ATAD2B: variants seen among roughly 807,000 people sequenced by gnomAD.
ATAD2B encodes ATPase family AAA domain containing 2B.
ATAD2B carries 40 observed loss-of-function variants against 167.6 expected under a neutral mutation model. The observed-to-expected ratio is 0.24, with a 90% CI of 0.19 to 0.31. The LOEUF is 0.31. ATAD2B is among the 10% of genes least tolerant of loss of function. The probability of loss-of-function intolerance (pLI) is 1.00; values close to 1 mark genes in which losing one functional copy is unlikely to be tolerated. For missense variants in ATAD2B, 1,242 were observed against 1,757.2 expected (o/e 0.71, Z 5.24); for synonymous variants, 579 against 596.5 (o/e 0.97, Z 0.43).
intron 15 of ATAD2B, among the ~76,000 whole-genome samples, chr2:23,824,120 T>C (rs1383082836): frequency 6.6e-6 from 1 of 152,068 alleles, no homozygotes; most frequent in Non-Finnish European, 1.5e-5. Flanking sequence ...GTATAATTTT[T>C]TTCTTTTCTT....
At chr2:23,799,563 TC>T (rs1683140159) in intron 18 of ATAD2B, among the ~76,000 whole-genome samples, 1 of 100,860 alleles carries the variant, frequency 9.9e-6, no homozygotes, top group African/African-American at 3.8e-5. Context: ...ACAGTGAGAC[TC>T]CATCTCAAAA....
At position 23,867,906 on chromosome 2, in the gene ATAD2B, CGCTA is replaced by C; in HGVS notation, c.1113_1116del (p.Ser372ValfsTer7). On this transcript the variant is annotated frameshift_variant, in exon 10 of 28. Coordinates refer to ENST00000238789, the MANE Select transcript of ATAD2B (RefSeq NM_017552.4). LOFTEE classifies it high-confidence loss of function. Reference sequence around the variant, plus strand: ...ACTTTCACTCGTTCTCGGAGAATACCGCTAGCTAAGTCCTCTGCTCTGAAGTTCA... The same window carrying C: ...ACTTTCACTCGTTCTCGGAGAATACCGCTAAGTCCTCTGCTCTGAAGTTCA... 6.2e-7 allele frequency: 1 copy of C among 1,613,738 alleles called. No homozygotes were observed.
chr2:23,920,773 CTTCCATGTA>C (rs1272083269), intron 1 of ATAD2B, among the ~76,000 whole-genome samples: 1 of 152,158 alleles, frequency 6.6e-6, no homozygotes, highest in Non-Finnish European at 1.5e-5. Context: ...CAACTTTGTA[CTTCCATGTA>C]ACTTTTTATC....
chr2:23,691,452 A>C, the ATAD2B span: 1 of 592,506 alleles, frequency 1.7e-6, no homozygotes, highest in South Asian at 2.0e-5. Flanking sequence ...GGACATGCCG[A>C]GTAGTGATAA....
rs1223265206 is a variant in ATAD2B, at chr2:23,904,537, C to T, written c.217-8567G>A. Among the ~76,000 whole-genome samples, 9 of 137,668 alleles carry T rather than the reference C, an allele frequency of 6.5e-5. No individual in the cohort carries two copies. The South Asian group carries it at 6.8e-4, about 10-fold the overall frequency. The allele number at this position is 137,668 out of a possible 152,430, so 90.3% of individuals were successfully genotyped here. The stretch of plus-strand genomic sequence containing the variant: ...GACTTGGAGGAAAGGATTTTCCTTC[C>T]TTTTTTTTTTTTTTTTTCTTTAAGA... On this transcript the variant is annotated intron_variant, in intron 1 of 27. Transcript: ENST00000238789.
downstream of ATAD2B, among the ~76,000 whole-genome samples, chr2:23,746,593 G>C (rs1674895025): frequency 6.6e-6 from 1 of 152,064 alleles, no homozygotes; most frequent in Admixed American, 6.6e-5. Flanking sequence ...CCAAACAAAA[G>C]GATTAGTGCC....
intron 8 of ATAD2B, 116 bp from the exon 9 acceptor site, chr2:23,869,877 A>AT (rs991667437): frequency 5.7e-5 from 39 of 685,168 alleles, no homozygotes; most frequent in Non-Finnish European, 8.7e-5. Flanking sequence ...ATTTATTAAG[A>AT]TTTTTTACCC....
At chr2:23,787,018 T>C (rs1483788654) in intron 20 of ATAD2B, among the ~76,000 whole-genome samples, 1 of 146,810 alleles carries the variant, frequency 6.8e-6, no homozygotes, top group Non-Finnish European at 1.5e-5. Context: ...AGAGTACGGA[T>C]AGTGAATGGC....
chr2:23,901,450 G>A (rs1027650254), intron 1 of ATAD2B, among the ~76,000 whole-genome samples: 36 of 151,450 alleles, frequency 2.4e-4, no homozygotes, highest in African/African-American at 8.5e-4. Context: ...TATACATTTG[G>A]GCACTTGATT....
chr2:23,704,596 G>A, the ATAD2B span, among the ~76,000 whole-genome samples: 35 of 152,262 alleles, frequency 2.3e-4, no homozygotes, highest in African/African-American at 7.7e-4. Context: ...GTAAAACCCC[G>A]ACTCTACTAA....
intron 23 of ATAD2B, among the ~76,000 whole-genome samples, chr2:23,764,238 T>C (rs544247747): frequency 2.6e-5 from 4 of 152,358 alleles, no homozygotes; most frequent in Non-Finnish European, 5.9e-5. Context: ...CCCTGGCACA[T>C]TGAAACCATG....
chr2:23,784,059 C>T (rs190695099), intron 21 of ATAD2B, among the ~76,000 whole-genome samples: 3 of 152,020 alleles, frequency 2.0e-5, no homozygotes, highest in East Asian at 3.9e-4. Context: ...AGTCAATCTC[C>T]CTATAAGGGA....
At chr2:23,816,259 A>T (rs1412060584) in intron 17 of ATAD2B, among the ~76,000 whole-genome samples, 5 of 152,214 alleles carry the variant, frequency 3.3e-5, no homozygotes, top group Non-Finnish European at 1.5e-5. Context: ...TCAACATGTT[A>T]AATGTATACA....
At chr2:23,834,297 G>C (rs1433424698) in intron 13 of ATAD2B, among the ~76,000 whole-genome samples, 1 of 151,478 alleles carries the variant, frequency 6.6e-6, no homozygotes, top group African/African-American at 2.4e-5. Flanking sequence ...AAGTAGCTGG[G>C]ACTACAGGCG....
At chr2:23,732,097 T>C in the ATAD2B span, among the ~76,000 whole-genome samples, 8 of 152,170 alleles carry the variant, frequency 5.3e-5, no homozygotes, top group Non-Finnish European at 1.0e-4. Flanking sequence ...ACATTTTGAG[T>C]GCTCAATAGC....
intron 6 of ATAD2B, among the ~76,000 whole-genome samples, chr2:23,882,041 T>C: frequency 1.6e-5 from 1 of 62,746 alleles, no homozygotes; most frequent in African/African-American, 4.6e-5. Flanking sequence ...GATTTGGCAA[T>C]AGCTATAACA....
At chr2:23,760,701 C>T (rs566028655) in intron 24 of ATAD2B, among the ~76,000 whole-genome samples, 1,675 of 127,482 alleles carry the variant, frequency 0.013, 13 homozygotes, top group African/African-American at 0.021. Context: ...TATATATATA[C>T]ACACACACAC....
intron 2 of ATAD2B, 66 bp from the exon 3 acceptor site, chr2:23,888,465 T>G: frequency 1.0e-6 from 1 of 968,370 alleles, no homozygotes; most frequent in Non-Finnish European, 1.5e-6. Flanking sequence ...AGAAATGAAA[T>G]ACTGCTGGAA....
At chr2:23,923,405 T>C (rs1053300260) in intron 1 of ATAD2B, among the ~76,000 whole-genome samples, 3 of 152,210 alleles carry the variant, frequency 2.0e-5, no homozygotes, top group Non-Finnish European at 4.4e-5. Flanking sequence ...TGGAGATCTA[T>C]ATAGCATAGT....
Sources: allele counts gnomAD v4.1 joint callset (sites outside exome capture counted in the v4.1 genomes callset), GRCh38; gene constraint gnomAD v4.1.1; transcripts MANE v1.5; gene names NCBI Gene and HGNC (gene_info 2026-07-23, HGNC 2026-07-21).